PDPK1: variants seen among roughly 807,000 people sequenced by gnomAD.
PDPK1 encodes 3-phosphoinositide-dependent protein kinase 1.
A neutral mutation model predicts 39.8 loss-of-function variants in PDPK1; 7 were observed. That is an observed-to-expected ratio of 0.18 (90% CI 0.10 to 0.33). The LOEUF is 0.33. PDPK1 is among the 10% of genes least tolerant of loss of function. The pLI is 1.00. For missense variants in PDPK1, 182 were observed against 384.7 expected, an observed-to-expected ratio of 0.47 and a Z score of 4.41; for synonymous variants, 118 against 159.1, an observed-to-expected ratio of 0.74 and a Z score of 1.95.
rs776619830 is a variant in PDPK1, at chr16:2,593,141, C to G, written c.1344-2652C>G. On this transcript the variant is annotated intron_variant, in intron 11 of 13. Transcript: ENST00000342085. The surrounding 1 kb of genome is among the most constrained non-coding windows in gnomAD (Gnocchi z 4.2). ...GTGCCGAGCGGGAGCACCACTCCTGCACGCCCGTGCCTGTGGCATGCCCAG... is the reference window on the plus strand; with the variant it reads ...GTGCCGAGCGGGAGCACCACTCCTGGACGCCCGTGCCTGTGGCATGCCCAG... 9.9e-5 allele frequency: 45 copies of G among 454,504 alleles called. No homozygotes were observed. Among genetic ancestry groups the G allele is most frequent in the Non-Finnish European group, 1.9e-4 (42 of 226,810 alleles). 28.2% of individuals were successfully genotyped at this position (454,504 alleles called of 1,614,324 possible).
chr16:2,551,520 G>T lies in PDPK1; in HGVS notation c.25-6183G>T, dbSNP rs1172337260. Among the ~76,000 whole-genome samples the T allele has an allele frequency of 2.6e-4, 39 of 151,120 alleles. 1 individual carries two copies. The Middle Eastern group carries it at 0.01, about 40-fold the overall frequency. Reference sequence around the variant, plus strand: ...TGTGCGGGCGCTGGCTCTACCTGTCGCACTGCATTCCCAGGCTCCAGAGCA... The same window carrying T: ...TGTGCGGGCGCTGGCTCTACCTGTCTCACTGCATTCCCAGGCTCCAGAGCA... On this transcript the variant is annotated intron_variant, in intron 1 of 13. Coordinates refer to ENST00000342085, the MANE Select transcript of PDPK1 (RefSeq NM_002613.5).
chr16:2,578,165 CCA>C (rs2066753701), intron 7 of PDPK1, among the ~76,000 whole-genome samples: 1 of 147,896 alleles, frequency 6.8e-6, no homozygotes, highest in African/African-American at 2.6e-5. Flanking sequence ...GGTTGCTCGG[CCA>C]CACACCAGCT....
In PDPK1 at chr16:2,542,790, G is replaced by C. The variant is rs554531717; in HGVS notation, c.24+4654G>C. 2.9e-3 allele frequency among the ~76,000 whole-genome samples: 444 copies of C among 152,142 alleles called. 3 individuals are homozygous for C. The highest frequency in any genetic ancestry group is 0.012 in the South Asian group (58 of 4,804). Reference sequence around the variant, plus strand: ...TATTTAAAGATGAGGTTTGAAGGTAGGTCTGGAGACCAAGGACGTTAGTTC... The same window carrying C: ...TATTTAAAGATGAGGTTTGAAGGTACGTCTGGAGACCAAGGACGTTAGTTC... On this transcript the variant is annotated intron_variant, in intron 1 of 13. Transcript: ENST00000342085.
chr16:2,577,922 A>T (rs1263712807), intron 7 of PDPK1, among the ~76,000 whole-genome samples: 1 of 147,986 alleles, frequency 6.8e-6, no homozygotes, highest in African/African-American at 2.6e-5. Flanking sequence ...TATTTTTGGT[A>T]GAGACGGGGT....
At chr16:2,595,879 C>T in intron 12 of PDPK1, 29 bp downstream of exon 12, 1 of 1,568,952 alleles carries the variant, frequency 6.4e-7, no homozygotes, top group Non-Finnish European at 8.8e-7. Context: ...CGCTGCTCCG[C>T]ACGGACACCT....
At position 2,546,806 on chromosome 16, in the gene PDPK1, T is replaced by A. The variant is rs1426921783; in HGVS notation, c.24+8670T>A. Among the ~76,000 whole-genome samples the A allele has an allele frequency of 4.6e-5, 7 of 151,988 alleles. No individual in the cohort carries two copies. The South Asian group carries it at 1.5e-3, about 32-fold the overall frequency. On this transcript the variant is annotated intron_variant, in intron 1 of 13. Coordinates refer to ENST00000342085, the MANE Select transcript of PDPK1 (RefSeq NM_002613.5). ...AAGGGACGTGTGCTCTGTGGGTGGG[T>A]GCAGCCACCTGTAGAGCTGCAGCTA...
intron 11 of PDPK1, among the ~76,000 whole-genome samples, chr16:2,591,271 C>T (rs1307081354): frequency 6.6e-6 from 1 of 152,172 alleles, no homozygotes; most frequent in Non-Finnish European, 1.5e-5. Flanking sequence ...TAGTGATATC[C>T]ATGAATTGAT....
chr16:2,562,102 AG>A, intron 4 of PDPK1, 194 bp downstream of exon 4: 1 of 404,536 alleles, frequency 2.5e-6, no homozygotes, highest in African/African-American at 2.0e-5. Flanking sequence ...TACCTCCCGG[AG>A]AAGCCACCGA....
chr16:2,552,026 G>A (rs894050241), intron 1 of PDPK1, among the ~76,000 whole-genome samples: 2 of 151,072 alleles, frequency 1.3e-5, no homozygotes, highest in African/African-American at 4.9e-5. Flanking sequence ...AAGAGATGGG[G>A]TCTCACTGTG....
At chr16:2,546,985 C>T (rs1229683900) in intron 1 of PDPK1, among the ~76,000 whole-genome samples, 1 of 149,492 alleles carries the variant, frequency 6.7e-6, no homozygotes, top group Non-Finnish European at 1.5e-5. Flanking sequence ...GGCTAATTGA[C>T]CTTCAGACCC....
At position 2,599,939 on chromosome 16, in the gene PDPK1, A is replaced by G; in HGVS notation, c.*2172A>G. On this transcript the variant is annotated 3_prime_UTR_variant, in exon 14 of 14. Transcript: ENST00000342085. ...ACTGACAAGCTCCATCTTAACCTCC[A>G]AAGCCACAGAACTAGGGGCTCAGAG... 1 of 233,322 alleles carries G rather than the reference A, an allele frequency of 4.3e-6. No individual in the cohort carries two copies. Among genetic ancestry groups the G allele is most frequent in the Non-Finnish European group, 8.5e-6 (1 of 118,060 alleles). 14.5% of individuals were successfully genotyped at this position (233,322 alleles called of 1,614,324 possible). A position where few individuals can be genotyped will look rare whatever the true frequency, so the allele number is the denominator to read the frequency against.
rs573302563 is a variant in PDPK1 at position 2,601,516 on chromosome 16, A to G, written c.*3749A>G. On this transcript the variant is annotated 3_prime_UTR_variant, in exon 14 of 14. Transcript: ENST00000342085. The stretch of plus-strand genomic sequence containing the variant: ...AATGGTACTGAATTTGCATCTGCAC[A>G]GTCAGCAGAGATAACAAGTGTTGAA... 1.2e-4 allele frequency: 27 copies of G among 234,492 alleles called. No individual in the cohort carries two copies. Among genetic ancestry groups the G allele is most frequent in the African/African-American group, 5.7e-4 (26 of 45,338 alleles). The allele number at this position is 234,492 out of a possible 1,614,324, so 14.5% of individuals were successfully genotyped here.
At chr16:2,558,675 G>C (rs1230630737) in intron 2 of PDPK1, among the ~76,000 whole-genome samples, 1 of 148,220 alleles carries the variant, frequency 6.7e-6, no homozygotes, top group South Asian at 2.1e-4. Flanking sequence ...GGGGAGGCCT[G>C]AGCAACTCGG....
At chr16:2,540,267 G>C (rs1438832363) in intron 1 of PDPK1, among the ~76,000 whole-genome samples, 1 of 152,220 alleles carries the variant, frequency 6.6e-6, no homozygotes, top group Non-Finnish European at 1.5e-5. Flanking sequence ...CAGTGCGAGC[G>C]TGAAGGCAGA....
Position 2,552,572 on chromosome 16 carries a change from G to T in PDPK1, c.25-5131G>T, listed in dbSNP as rs1014764057. 4.0e-4 allele frequency among the ~76,000 whole-genome samples: 56 copies of T among 139,988 alleles called. 1 individual carries two copies. Among genetic ancestry groups the T allele is most frequent in the Non-Finnish European group, 5.4e-4 (35 of 64,426 alleles). The allele number at this position is 139,988 out of a possible 152,430, so 91.8% of individuals were successfully genotyped here. ...ATCTGCCTGTGGGAATAAGTAGGGG[G>T]CAGTGACTCGTCATTGAGTGGCGCG... On this transcript the variant is annotated intron_variant, in intron 1 of 13. Transcript: ENST00000342085.
In PDPK1 at chr16:2,597,636, C is replaced by G. The variant is rs370077100; in HGVS notation, c.1555-15C>G. The G allele has an allele frequency of 2.4e-5, 38 of 1,583,960 alleles. No individual in the cohort carries two copies. Among genetic ancestry groups the G allele is most frequent in the Non-Finnish European group, 3.0e-5 (35 of 1,152,844 alleles). ...GGACTCCCTGGAGAACACTAAACGGCTTCTGTCTTCGCAGCCTAACAGGAC... is the reference window on the plus strand; with the variant it reads ...GGACTCCCTGGAGAACACTAAACGGGTTCTGTCTTCGCAGCCTAACAGGAC... On this transcript the variant is annotated splice_polypyrimidine_tract_variant and intron_variant, in intron 13 of 13. Transcript: ENST00000342085. The surrounding 1 kb of genome is among the most constrained non-coding windows in gnomAD (Gnocchi z 6.3).
intron 1 of PDPK1, among the ~76,000 whole-genome samples, chr16:2,544,608 G>T (rs1378743234): frequency 6.6e-6 from 1 of 151,748 alleles, no homozygotes; most frequent in Non-Finnish European, 1.5e-5. Flanking sequence ...TTTTGAGACG[G>T]AGTCTCGCTC....
rs1038741840 is a variant in PDPK1 at position 2,602,711 on chromosome 16, G to A, written c.*4944G>A. On this transcript the variant is annotated 3_prime_UTR_variant, in exon 14 of 14. Transcript: ENST00000342085. ...TGACTAGTACGTCTTTCAGGTGGGT[G>A]GCAAGCAGAACATGCGTAATATTCT... is the stretch of plus-strand genomic sequence containing the variant. The A allele has an allele frequency of 4.3e-6, 1 of 234,618 alleles. No homozygotes were observed. Among genetic ancestry groups the A allele is most frequent in the African/African-American group, 2.2e-5 (1 of 45,326 alleles). 14.5% of individuals were successfully genotyped at this position (234,618 alleles called of 1,614,324 possible). A position where few individuals can be genotyped will look rare whatever the true frequency, so the allele number is the denominator to read the frequency against.
intron 11 of PDPK1, among the ~76,000 whole-genome samples, chr16:2,587,258 T>C (rs1281700737): frequency 1.3e-5 from 2 of 152,194 alleles, no homozygotes; most frequent in African/African-American, 4.8e-5. Context: ...CATTTATGTC[T>C]TCTAAGGTGA....
Sources: allele counts gnomAD v4.1 joint callset (sites outside exome capture counted in the v4.1 genomes callset), GRCh38; gene constraint gnomAD v4.1.1; non-coding constraint Gnocchi (gnomAD v3.1); transcripts MANE v1.5; gene names NCBI Gene and HGNC (gene_info 2026-07-23, HGNC 2026-07-21).